The following SGCD variants were observed in gnomAD, a reference collection of about 807,000 sequenced individuals.
SGCD encodes sarcoglycan delta.
Under a neutral mutation model 36.6 loss-of-function variants are expected in SGCD, and 18 were observed. The observed-to-expected ratio is 0.49, with a 90% CI of 0.34 to 0.73. The LOEUF is 0.73. SGCD is among the 30% of genes least tolerant of loss of function. The probability of loss-of-function intolerance (pLI) is 0.01; values close to 1 mark genes in which losing one functional copy is unlikely to be tolerated. For synonymous variants in SGCD, 133 were observed against 130.6 expected, an observed-to-expected ratio of 1.02 and a Z score of -0.12; for missense variants, 387 against 346.7, an observed-to-expected ratio of 1.12 and a Z score of -0.92.
intron 3 of SGCD, among the ~76,000 whole-genome samples, chr5:156,249,510 T>A (rs1216337178): frequency 2.0e-5 from 3 of 152,210 alleles, no homozygotes; most frequent in Non-Finnish European, 4.4e-5. Flanking sequence ...TTTGATTTTC[T>A]ATGTTCTGAC....
intron 3 of SGCD, among the ~76,000 whole-genome samples, chr5:156,420,419 A>C (rs2127777175): frequency 6.6e-6 from 1 of 152,270 alleles, no homozygotes; most frequent in South Asian, 2.1e-4. Context: ...ATTTTTACTA[A>C]GCCCATGCCA....
intron 3 of SGCD, among the ~76,000 whole-genome samples, chr5:156,407,895 A>G (rs978660030): frequency 7.2e-5 from 11 of 152,150 alleles, no homozygotes; most frequent in Admixed American, 5.2e-4. Context: ...CCCAAAGCTC[A>G]TTTTTACAAA....
intron 1 of SGCD, among the ~76,000 whole-genome samples, chr5:156,009,764 A>G (rs1349261578): frequency 2.0e-5 from 3 of 152,166 alleles, no homozygotes; most frequent in African/African-American, 7.2e-5. Flanking sequence ...GAATTAGTCT[A>G]ATCTGTCCTC....
chr5:156,023,187 A>G (rs1365697685), intron 1 of SGCD, among the ~76,000 whole-genome samples: 2 of 152,240 alleles, frequency 1.3e-5, no homozygotes, highest in Admixed American at 6.5e-5. Flanking sequence ...ATTAGGGCAC[A>G]TGTGTAGGCA....
chr5:156,024,568 G>A (rs1759183456), intron 1 of SGCD, among the ~76,000 whole-genome samples: 1 of 151,976 alleles, frequency 6.6e-6, no homozygotes, highest in Non-Finnish European at 1.5e-5. Context: ...CTGTGGCCGA[G>A]AATTCAAAAT....
chr5:155,921,199 G>A (rs1229689506), intron 1 of SGCD, among the ~76,000 whole-genome samples: 2 of 152,148 alleles, frequency 1.3e-5, no homozygotes, highest in African/African-American at 2.4e-5. Context: ...AAAATGTCAG[G>A]TGGATTAGTT....
intron 3 of SGCD, among the ~76,000 whole-genome samples, chr5:156,487,186 A>G (rs1240455225): frequency 2.6e-5 from 4 of 152,206 alleles, no homozygotes; most frequent in Non-Finnish European, 4.4e-5. Flanking sequence ...GCCTCACCAC[A>G]GCTTTCACTA....
intron 3 of SGCD, among the ~76,000 whole-genome samples, chr5:156,469,229 G>A (rs1754851787): frequency 6.6e-6 from 1 of 151,976 alleles, no homozygotes; most frequent in Non-Finnish European, 1.5e-5. Flanking sequence ...GTCCATATTT[G>A]CATTTTTCTG....
At chr5:156,645,755 C>T (rs1318571231) in intron 6 of SGCD, among the ~76,000 whole-genome samples, 1 of 152,108 alleles carries the variant, frequency 6.6e-6, no homozygotes, top group African/African-American at 2.4e-5. Flanking sequence ...TACTAATAGT[C>T]TCCACTTCAT....
chr5:155,952,421 C>T (rs975174338), intron 1 of SGCD, among the ~76,000 whole-genome samples: 2 of 151,992 alleles, frequency 1.3e-5, no homozygotes, highest in Non-Finnish European at 2.9e-5. Context: ...TGTGGTGTTC[C>T]TATTCCTGTC....
chr5:156,012,392 T>C (rs1335728492), intron 1 of SGCD, among the ~76,000 whole-genome samples: 3 of 147,110 alleles, frequency 2.0e-5, no homozygotes, highest in Non-Finnish European at 4.4e-5. Flanking sequence ...AATTTTTTCA[T>C]ATGTTATGAT....
chr5:156,732,717 G>C (rs574499831), intron 7 of SGCD, among the ~76,000 whole-genome samples: 1 of 152,094 alleles, frequency 6.6e-6, no homozygotes, highest in Non-Finnish European at 1.5e-5. Flanking sequence ...AATCTGTCTG[G>C]TCCTGGGCTC....
chr5:156,582,641 C>T (rs1391757648), intron 4 of SGCD, among the ~76,000 whole-genome samples: 2 of 152,086 alleles, frequency 1.3e-5, no homozygotes, highest in South Asian at 2.1e-4. Flanking sequence ...TTTTTTTTCT[C>T]CTATGCAGTT....
chr5:156,599,741 A>G (rs1394908202), intron 6 of SGCD, among the ~76,000 whole-genome samples: 1 of 152,266 alleles, frequency 6.6e-6, no homozygotes, highest in Non-Finnish European at 1.5e-5. Context: ...GCTCTCATAC[A>G]TGCATGACTT....
intron 3 of SGCD, among the ~76,000 whole-genome samples, chr5:156,242,610 ATC>A (rs1256330738): frequency 2.6e-5 from 4 of 152,206 alleles, no homozygotes; most frequent in Admixed American, 6.5e-5. Flanking sequence ...GGTATGTGGG[ATC>A]TCTCTGTATT....
At chr5:155,770,602 G>A in the SGCD span, among the ~76,000 whole-genome samples, 491 of 152,186 alleles carry the variant, frequency 3.2e-3, 1 homozygote, top group African/African-American at 9.4e-3. Flanking sequence ...GGGCAGTGGC[G>A]TGCTGTTGGA....
intron 3 of SGCD, among the ~76,000 whole-genome samples, chr5:156,236,656 G>T (rs1162221497): frequency 6.6e-6 from 1 of 151,904 alleles, no homozygotes; most frequent in African/African-American, 2.4e-5. Context: ...CACCGTGTTA[G>T]CCAGGATGGT....
chr5:156,641,772 A>C (rs2113566044), intron 6 of SGCD, among the ~76,000 whole-genome samples: 1 of 152,034 alleles, frequency 6.6e-6, no homozygotes, highest in Non-Finnish European at 1.5e-5. Flanking sequence ...CCAGCACATC[A>C]CCAGATCCCA....
At chr5:156,561,523 C>T (rs1049211259) in intron 4 of SGCD, among the ~76,000 whole-genome samples, 1 of 152,218 alleles carries the variant, frequency 6.6e-6, no homozygotes, top group Non-Finnish European at 1.5e-5. Context: ...ATGATTCAGG[C>T]TCTGATTATC....
Sources: allele counts gnomAD v4.1 joint callset (sites outside exome capture counted in the v4.1 genomes callset), GRCh38; gene constraint gnomAD v4.1.1; transcripts MANE v1.5; gene names NCBI Gene and HGNC (gene_info 2026-07-23, HGNC 2026-07-21).